The following HYDIN variants were observed in gnomAD, a reference collection of about 807,000 sequenced individuals.
HYDIN encodes the protein HYDIN axonemal central pair apparatus protein.
HYDIN carries 132 observed loss-of-function variants against 403.9 expected under a neutral mutation model. The observed-to-expected ratio is 0.33, with a 90% CI of 0.28 to 0.38. The LOEUF (loss-of-function observed/expected upper bound fraction) is 0.38. Among genes scored for constraint, HYDIN ranks in the 10% least tolerant of loss-of-function variants. The probability of loss-of-function intolerance (pLI) is 1.00; values close to 1 mark genes in which losing one functional copy is unlikely to be tolerated. For missense variants in HYDIN, 2,827 were observed against 5,009.5 expected (o/e 0.56, Z 13.15); for synonymous variants, 1,202 against 1,891.7 (o/e 0.64, Z 9.46).
chr16:71,169,825 A>G (rs774547041), intron 5 of HYDIN, among the ~76,000 whole-genome samples: 5 of 152,216 alleles, frequency 3.3e-5, no homozygotes, highest in Non-Finnish European at 5.9e-5. Context: ...AAAAAAAATT[A>G]TAAGTATGTG....
intron 15 of HYDIN, among the ~76,000 whole-genome samples, 153 bp from the exon 16 acceptor site, chr16:71,064,993 C>A (rs1368133164): frequency 2.0e-5 from 3 of 152,230 alleles, no homozygotes; most frequent in Non-Finnish European, 4.4e-5. Context: ...CTCCTCCTCT[C>A]TTCCCTGTCT....
chr16:71,178,713 A>G (rs1261446901), intron 4 of HYDIN, among the ~76,000 whole-genome samples: 1 of 152,170 alleles, frequency 6.6e-6, no homozygotes, highest in African/African-American at 2.4e-5. Context: ...TTGGGAGTTC[A>G]CTACGTGTTA....
At position 71,058,412 on chromosome 16, in the gene HYDIN, G is replaced by A. The variant is rs1400535736; in HGVS notation, c.2529+2092C>T. On this transcript the variant is annotated intron_variant, in intron 18 of 85. Coordinates refer to ENST00000393567, the MANE Select transcript of HYDIN (RefSeq NM_001270974.2). The stretch of plus-strand genomic sequence containing the variant: ...GAACAATGAGATCACATGGACACAG[G>A]AAGGGGAACATCACACTCTGGGGAC... Among the ~76,000 whole-genome samples, 154 of 122,590 alleles carry A rather than the reference G, an allele frequency of 1.3e-3. 2 individuals carry two copies. Among genetic ancestry groups the A allele is most frequent in the Admixed American group, 6.8e-4 (8 of 11,688 alleles). 80.4% of individuals were successfully genotyped at this position (122,590 alleles called of 152,430 possible). A position where few individuals can be genotyped will look rare whatever the true frequency, so the allele number is the denominator to read the frequency against.
intron 47 of HYDIN, among the ~76,000 whole-genome samples, chr16:70,915,982 A>C (rs1482319208): frequency 6.6e-6 from 1 of 152,214 alleles, no homozygotes; most frequent in Non-Finnish European, 1.5e-5. Context: ...GGCTGGTCTT[A>C]CTCCCACCAT....
intron 40 of HYDIN, among the ~76,000 whole-genome samples, chr16:70,954,932 A>C (rs1228009315): frequency 6.6e-6 from 1 of 152,102 alleles, no homozygotes; most frequent in Non-Finnish European, 1.5e-5. Context: ...CCTTGTCCCC[A>C]TCTTTGCCTA....
chr16:71,107,943 T>C (rs572000848), intron 10 of HYDIN, among the ~76,000 whole-genome samples: 3 of 152,142 alleles, frequency 2.0e-5, no homozygotes, highest in African/African-American at 7.2e-5. Flanking sequence ...GTAGACTGGA[T>C]AAAGAAAATG....
intron 17 of HYDIN, among the ~76,000 whole-genome samples, chr16:71,061,357 G>A (rs2082071849): frequency 6.6e-6 from 1 of 152,036 alleles, no homozygotes; most frequent in Admixed American, 6.6e-5. Context: ...AGAGATAAAA[G>A]CAAAATCCTA....
intron 18 of HYDIN, among the ~76,000 whole-genome samples, chr16:71,054,248 G>T (rs1203901914): frequency 2.0e-5 from 3 of 152,296 alleles, no homozygotes; most frequent in Non-Finnish European, 2.9e-5. Flanking sequence ...CTTAACAACT[G>T]TAGTTGCTGT....
chr16:70,956,835 G>A (rs940425337), intron 39 of HYDIN, among the ~76,000 whole-genome samples: 10 of 151,662 alleles, frequency 6.6e-5, no homozygotes, highest in African/African-American at 2.2e-4. Context: ...TGAAGTCTGT[G>A]GTCACTTGTT....
chr16:71,198,903 A>T (rs569071164), intron 1 of HYDIN, among the ~76,000 whole-genome samples: 4 of 152,320 alleles, frequency 2.6e-5, no homozygotes, highest in African/African-American at 9.6e-5. Context: ...AGTAGTTGAG[A>T]CTGAATAGTT....
At chr16:71,007,184 A>T (rs1291468867) in intron 23 of HYDIN, among the ~76,000 whole-genome samples, 3 of 151,928 alleles carry the variant, frequency 2.0e-5, no homozygotes, top group Non-Finnish European at 4.4e-5. Context: ...CTGCCATGTA[A>T]ATCAGCTTAC....
In HYDIN at chr16:70,879,624, T is replaced by C. The variant is rs1382889674; in HGVS notation, c.10348A>G (p.Thr3450Ala). 2 of 1,612,694 alleles carry C rather than the reference T, an allele frequency of 1.2e-6. No individual in the cohort carries two copies. The highest frequency in any genetic ancestry group is 1.7e-6 in the Non-Finnish European group (2 of 1,179,890). The stretch of plus-strand genomic sequence containing the variant: ...TGGTACCTGGGCAAGCCATCCAAGG[T>C]AGCCTCAAAGATGCACTGGTAGTTC... ...MQNYQCIFEA[T>A]LDGLPSTLAK... The change falls in exon 61 of 86, where the codon ACC becomes GCC. Residue 3450 changes from threonine (T) to alanine (A), a missense_variant. By Grantham distance (58) the Thr-to-Ala change is moderately conservative. Transcript: ENST00000393567.
chr16:70,962,531 T>C (rs1211645347), intron 37 of HYDIN, among the ~76,000 whole-genome samples: 2 of 152,224 alleles, frequency 1.3e-5, no homozygotes, highest in Non-Finnish European at 2.9e-5. Flanking sequence ...TAATTTTTAA[T>C]TGTTTGAAAC....
At chr16:71,028,187 G>A (rs1185705644) in intron 19 of HYDIN, among the ~76,000 whole-genome samples, 1 of 151,798 alleles carries the variant, frequency 6.6e-6, no homozygotes, top group Non-Finnish European at 1.5e-5. Flanking sequence ...TCTGAGGAGT[G>A]AAAGGAAAGC....
intron 41 of HYDIN, among the ~76,000 whole-genome samples, chr16:70,949,007 A>G (rs62049589): frequency 0.6 from 86,613 of 145,280 alleles, 27,726 homozygotes; most frequent in Non-Finnish European, 0.74. Flanking sequence ...ACACATGCAC[A>G]TGTATGTTTA....
chr16:70,999,956 T>C (rs1024192381), intron 23 of HYDIN, among the ~76,000 whole-genome samples: 3 of 152,144 alleles, frequency 2.0e-5, no homozygotes, highest in African/African-American at 7.2e-5. Flanking sequence ...TCCCCACTGC[T>C]ACATGATCTT....
intron 18 of HYDIN, among the ~76,000 whole-genome samples, chr16:71,038,729 C>A (rs572610409): frequency 6.6e-6 from 1 of 152,260 alleles, no homozygotes; most frequent in Admixed American, 6.5e-5. Flanking sequence ...GGCGCCATCT[C>A]GGACCACTGC....
At position 70,920,740 on chromosome 16, in the gene HYDIN, T is replaced by A. The variant is rs2076969228; in HGVS notation, c.7636A>T (p.Ser2546Cys). ...LEKLRALEERSDWEGEGEEDH... is the reference protein window; with the variant it reads ...LEKLRALEERCDWEGEGEEDH... ...TCCTCCCCTTCCCCCTCCCAGTCGCTCCGCTCCTCCAGGGCTCGCAGCTTC... is the reference window on the plus strand; with the variant it reads ...TCCTCCCCTTCCCCCTCCCAGTCGCACCGCTCCTCCAGGGCTCGCAGCTTC... The change falls in exon 46 of 86, where the codon AGC (serine) becomes TGC (cysteine). Residue 2546 changes from serine (S) to cysteine (C), a missense_variant. Coordinates refer to ENST00000393567, the MANE Select transcript of HYDIN (RefSeq NM_001270974.2). The A allele has an allele frequency of 6.3e-7, 1 of 1,575,536 alleles. No individual in the cohort carries two copies. The highest frequency in any genetic ancestry group is 8.6e-7 in the Non-Finnish European group (1 of 1,159,688).
In HYDIN at chr16:71,042,747, T is replaced by C. The variant is rs556665753; in HGVS notation, c.2530-10830A>G. Among the ~76,000 whole-genome samples, 39 of 152,300 alleles carry C rather than the reference T, an allele frequency of 2.6e-4. No individual in the cohort carries two copies. In the East Asian group the frequency reaches 7.3e-3, roughly 29 times the overall value. ...AGAGGCAAATTGCCTCTCAATACTT[T>C]CAGAAGCATCTTCTACACAGGTTCC... On this transcript the variant is annotated intron_variant, in intron 18 of 85. Transcript: ENST00000393567.
Sources: gnomAD v4.1 joint callset for allele counts (sites outside exome capture counted in the v4.1 genomes callset) on GRCh38, gnomAD v4.1.1 for gene constraint, MANE v1.5 for transcripts, NCBI Gene and HGNC (gene_info 2026-07-23, HGNC 2026-07-21) for gene names.